The following B4GALNT3 variants were observed in gnomAD, a reference collection of about 807,000 sequenced individuals.
B4GALNT3 encodes beta-1,4-N-acetyl-galactosaminyltransferase 3.
B4GALNT3 carries 86 observed loss-of-function variants against 120.2 expected under a neutral mutation model. The ratio of observed to expected loss-of-function variants is 0.72; its 90% CI spans 0.60 to 0.86. The LOEUF (loss-of-function observed/expected upper bound fraction) is 0.86. Among genes scored for constraint, B4GALNT3 ranks in the 40% least tolerant of loss-of-function variants. The pLI, the probability that B4GALNT3 is intolerant of heterozygous loss-of-function variation, is 0.00. For missense variants in B4GALNT3, 1,167 were observed against 1,298.9 expected (o/e 0.90, Z 1.56); for synonymous variants, 518 against 510.4 (o/e 1.01, Z -0.20).
intron 1 of B4GALNT3, among the ~76,000 whole-genome samples, chr12:485,473 G>A (rs149364301): frequency 1.3e-5 from 2 of 152,330 alleles, no homozygotes; most frequent in East Asian, 3.9e-4. Context: ...CCATGGTGGG[G>A]TGGTGTTTAC....
At chr12:544,756 CCA>C (rs1214063898) in intron 4 of B4GALNT3, 124 bp from the exon 5 acceptor site, 26 of 892,276 alleles carry the variant, frequency 2.9e-5, no homozygotes, top group Non-Finnish European at 4.3e-5. Context: ...AGCCTGCACT[CCA>C]CTCACAAAGC....
intron 13 of B4GALNT3, chr12:552,977 G>T: frequency 1.6e-6 from 1 of 633,388 alleles, no homozygotes; most frequent in Non-Finnish European, 2.7e-6. Context: ...AAACCCATGA[G>T]AGATGCAGTA....
intron 1 of B4GALNT3, among the ~76,000 whole-genome samples, chr12:483,707 ATAG>A (rs1946263251): frequency 1.3e-5 from 2 of 152,196 alleles, no homozygotes; most frequent in Non-Finnish European, 2.9e-5. Context: ...CCCACAATAA[ATAG>A]TAGCCCAGTT....
rs1413949134 is a variant in B4GALNT3 at position 549,798 on chromosome 12, G to C, written c.883G>C (p.Gly295Arg). The change falls in exon 10 of 20, where the codon GGC becomes CGC. Residue 295 changes from glycine to arginine, a missense_variant. By Grantham distance (125) the Gly-to-Arg change is moderately radical. This residue lies in a region of B4GALNT3 where 983 missense variants were observed against 1,102.5 expected (regional missense o/e 0.89). Transcript: ENST00000266383. ...GACGTTCCTACAGATGGATGAGGTG[G>C]GCCACATCCCACAGACAGCAGCCAG... Reference protein sequence around the residue: ...NETFLQMDEVGHIPQTAASHV... With the variant: ...NETFLQMDEVRHIPQTAASHV... The C allele has an allele frequency of 2.5e-6, 4 of 1,613,616 alleles. No individual in the cohort carries two copies. Among genetic ancestry groups the C allele is most frequent in the Non-Finnish European group, 3.4e-6 (4 of 1,180,026 alleles).
At chr12:507,436 G>A (rs1193686994) in intron 1 of B4GALNT3, among the ~76,000 whole-genome samples, 1 of 152,180 alleles carries the variant, frequency 6.6e-6, no homozygotes, top group Non-Finnish European at 1.5e-5. Context: ...GGTGCTGTCT[G>A]GTGGATTAGA....
chr12:522,877 C>T (rs937428398), intron 1 of B4GALNT3, among the ~76,000 whole-genome samples: 1 of 139,754 alleles, frequency 7.2e-6, no homozygotes, highest in African/African-American at 2.7e-5. Flanking sequence ...GTCAAGGCTG[C>T]AGTGAGCCGA....
At chr12:491,151 C>G (rs215236) in intron 1 of B4GALNT3, among the ~76,000 whole-genome samples, 22,026 of 152,030 alleles carry the variant, frequency 0.14, 1,953 homozygotes, top group Middle Eastern at 0.3. Flanking sequence ...CAAATTGAAT[C>G]CAACATGTGT....
intron 1 of B4GALNT3, among the ~76,000 whole-genome samples, chr12:525,503 C>A (rs1946752492): frequency 6.6e-6 from 1 of 152,230 alleles, no homozygotes; most frequent in Non-Finnish European, 1.5e-5. Context: ...CAAAGCCACA[C>A]TCCTGACTGT....
chr12:470,549 T>C (rs1252200776), intron 1 of B4GALNT3, among the ~76,000 whole-genome samples: 1 of 152,190 alleles, frequency 6.6e-6, no homozygotes, highest in African/African-American at 2.4e-5. Flanking sequence ...GTCCCGGGTC[T>C]CCTTTCTTCC....
In B4GALNT3 at chr12:553,594, G is replaced by A. The variant is rs1797398111; in HGVS notation, c.1671G>A (p.Arg557=). The A allele has an allele frequency of 1.2e-6, 2 of 1,613,870 alleles. No individual in the cohort carries two copies. The highest frequency in any genetic ancestry group is 2.7e-5 in the African/African-American group (2 of 74,956). ...PRPRPAGDSP[R]KTQWLNQVES... ...CCAGGCCCGCTGGTGACAGCCCCAG[G>A]AAGACTCAGTGGCTGAACCAGGTGG... Residue 557 remains arginine (R), a synonymous_variant, in exon 14 of 20, where the codon AGG becomes AGA. Coordinates refer to ENST00000266383, the MANE Select transcript of B4GALNT3 (RefSeq NM_173593.4).
At chr12:481,043 C>T (rs1592015328) in intron 1 of B4GALNT3, among the ~76,000 whole-genome samples, 1 of 152,172 alleles carries the variant, frequency 6.6e-6, no homozygotes, top group Non-Finnish European at 1.5e-5. Flanking sequence ...GAATTGGCTG[C>T]TTATTTTGGC....
At chr12:482,002 G>A (rs1309280596) in intron 1 of B4GALNT3, among the ~76,000 whole-genome samples, 1 of 151,942 alleles carries the variant, frequency 6.6e-6, no homozygotes, top group Non-Finnish European at 1.5e-5. Flanking sequence ...AGAAAAGGGT[G>A]TCCCCAAATC....
intron 1 of B4GALNT3, among the ~76,000 whole-genome samples, chr12:484,693 G>T (rs215228): frequency 2.0e-5 from 3 of 151,598 alleles, no homozygotes; most frequent in African/African-American, 4.9e-5. Context: ...CCTGGATGCC[G>T]CCTGGCCCCA....
chr12:550,830 G>C lies in B4GALNT3; in HGVS notation c.998-92G>C. The C allele has an allele frequency of 9.5e-7, 1 of 1,047,256 alleles. No homozygotes were observed. The highest frequency in any genetic ancestry group is 1.5e-5 in the South Asian group (1 of 66,268). 64.9% of individuals were successfully genotyped at this position (1,047,256 alleles called of 1,614,324 possible). ...TCGGCAGAACACAGCTGCCGCTTGCGAATACAGAAAGGGCCCTGCTCAGGG... is the reference window on the plus strand; with the variant it reads ...TCGGCAGAACACAGCTGCCGCTTGCCAATACAGAAAGGGCCCTGCTCAGGG... On this transcript the variant is annotated intron_variant, in intron 10 of 19. Coordinates refer to ENST00000266383, the MANE Select transcript of B4GALNT3 (RefSeq NM_173593.4). The surrounding 1 kb of genome is among the most constrained non-coding windows in gnomAD (Gnocchi z 4.1).
chr12:557,799 C>T lies in B4GALNT3; in HGVS notation c.2534+38C>T, dbSNP rs766062010. 56 of 1,578,060 alleles carry T rather than the reference C, an allele frequency of 3.5e-5. No individual in the cohort carries two copies. In the South Asian group the frequency reaches 4.3e-4, roughly 12 times the overall value. Reference sequence around the variant, plus strand: ...ACCAGCCAGGGGGTGGCATGGGCCACGTCCATCCTAAAGTCCTAGGGCTGC... The same window carrying T: ...ACCAGCCAGGGGGTGGCATGGGCCATGTCCATCCTAAAGTCCTAGGGCTGC... On this transcript the variant is annotated intron_variant, in intron 16 of 19. Transcript: ENST00000266383.
chr12:553,500 C>A lies in B4GALNT3; in HGVS notation c.1577C>A (p.Ser526Ter). The change falls in exon 14 of 20, where the codon TCA becomes TAA. Residue 526 changes from serine (S) to a stop codon, truncating the protein, a stop_gained. Transcript: ENST00000266383. LOFTEE classifies it high-confidence loss of function. ...QKPSPEPSQD[S>*]PHSDKWPPGH... ...CCCAGCCCTGAGCCCAGCCAAGATT[C>A]ACCTCATTCCGACAAGTGGCCTCCT... is the stretch of plus-strand genomic sequence containing the variant. 1 of 1,614,168 alleles carries A rather than the reference C, an allele frequency of 6.2e-7. No individual in the cohort carries two copies. Among genetic ancestry groups the A allele is most frequent in the Non-Finnish European group, 8.5e-7 (1 of 1,180,040 alleles).
At chr12:499,389 C>G (rs1946418679) in intron 1 of B4GALNT3, among the ~76,000 whole-genome samples, 1 of 151,282 alleles carries the variant, frequency 6.6e-6, no homozygotes, top group Admixed American at 6.6e-5. Context: ...CGTGCTCTCA[C>G]TATCTAGAAC....
chr12:471,019 G>A (rs1443345461), intron 1 of B4GALNT3, among the ~76,000 whole-genome samples: 2 of 151,646 alleles, frequency 1.3e-5, no homozygotes, highest in African/African-American at 2.4e-5. Context: ...GTGAGCCACC[G>A]TGCCCAGTGT....
chr12:541,374 T>C (rs1017749929), intron 3 of B4GALNT3, among the ~76,000 whole-genome samples: 1 of 152,202 alleles, frequency 6.6e-6, no homozygotes, highest in African/African-American at 2.4e-5. Flanking sequence ...AAAACCACCA[T>C]TGGCCATAGA....
Sources: allele counts gnomAD v4.1 joint callset (sites outside exome capture counted in the v4.1 genomes callset), GRCh38; gene constraint gnomAD v4.1.1; regional missense constraint gnomAD v4.1.1; non-coding constraint Gnocchi (gnomAD v3.1); transcripts MANE v1.5; gene names NCBI Gene and HGNC (gene_info 2026-07-23, HGNC 2026-07-21).